Variants in MREG observed in about 807,000 individuals in gnomAD.
The protein encoded by MREG is melanoregulin, also known as dilute suppressor protein homolog.
Under a neutral mutation model 28.5 loss-of-function variants are expected in MREG, and 31 were observed. That is an observed-to-expected ratio of 1.09 (90% confidence interval 0.82 to 1.47). The LOEUF is 1.47. MREG is among the 40% of genes most tolerant of loss of function. MREG has a pLI of 0.00. For synonymous variants in MREG, 106 were observed against 95.2 expected (o/e 1.11, Z -0.66); for missense variants, 256 against 257.4 (o/e 0.99, Z 0.04).
intron 1 of MREG, among the ~76,000 whole-genome samples, chr2:215,996,772 C>G (rs1159114036): frequency 8.4e-6 from 1 of 118,888 alleles, no homozygotes; most frequent in African/African-American, 3.0e-5. Context: ...AAAGGAAATT[C>G]AATTCTTTTT....
chr2:215,974,575 G>A (rs1020753384), intron 2 of MREG, among the ~76,000 whole-genome samples: 4 of 152,082 alleles, frequency 2.6e-5, no homozygotes, highest in Non-Finnish European at 5.9e-5. Context: ...AAGAGGCAGG[G>A]CTAGGAGTGG....
At chr2:216,004,560 C>CAA (rs1362063300) in intron 1 of MREG, among the ~76,000 whole-genome samples, 1 of 147,620 alleles carries the variant, frequency 6.8e-6, no homozygotes, top group African/African-American at 2.6e-5. Context: ...AACAAAAAAA[C>CAA]AAACAAAAAA....
chr2:215,958,973 A>G (rs1692709233), intron 2 of MREG, among the ~76,000 whole-genome samples: 1 of 152,102 alleles, frequency 6.6e-6, no homozygotes, highest in African/African-American at 2.4e-5. Context: ...GGAAAGCAAC[A>G]ATATCCTGCC....
At chr2:215,968,124 T>G (rs1237193106) in intron 2 of MREG, among the ~76,000 whole-genome samples, 1 of 152,150 alleles carries the variant, frequency 6.6e-6, no homozygotes, top group Admixed American at 6.5e-5. Context: ...TCCCTTCTGT[T>G]AGATGAGAAA....
chr2:215,965,801 G>A (rs547441469), intron 2 of MREG, among the ~76,000 whole-genome samples: 27 of 152,292 alleles, frequency 1.8e-4, no homozygotes, highest in African/African-American at 6.3e-4. Flanking sequence ...AAGGGAGTAG[G>A]GGACTTGGTG....
chr2:216,003,348 G>C (rs1395979522), intron 1 of MREG, among the ~76,000 whole-genome samples: 1 of 152,118 alleles, frequency 6.6e-6, no homozygotes, highest in East Asian at 1.9e-4. Flanking sequence ...ATATGATGCT[G>C]CTTCACACAT....
In MREG at chr2:215,975,978, C is replaced by G. The variant is rs1559183525; in HGVS notation, c.255+20328G>C. Among the ~76,000 whole-genome samples, 4 of 152,056 alleles carry G rather than the reference C, an allele frequency of 2.6e-5. No individual in the cohort carries two copies. The South Asian group carries it at 8.3e-4, about 31-fold the overall frequency. On this transcript the variant is annotated intron_variant, in intron 2 of 4. Transcript: ENST00000263268. ...GTGTGCACCTGTAATCCCAGCTACT[C>G]GCGGGGGGCGTGGTATGGGGGAGCT...
At chr2:215,946,275 G>A (rs1441952696) in intron 3 of MREG, among the ~76,000 whole-genome samples, 1 of 149,624 alleles carries the variant, frequency 6.7e-6, no homozygotes, top group Non-Finnish European at 1.5e-5. Context: ...AACAATACTA[G>A]ATATGCAAAG....
chr2:215,995,146 G>C (rs1693832775), intron 2 of MREG, among the ~76,000 whole-genome samples: 1 of 152,148 alleles, frequency 6.6e-6, no homozygotes, highest in Admixed American at 6.5e-5. Context: ...TTTATGACTT[G>C]CCTTCAGCAT....
chr2:215,961,617 G>GCCATCAC, intron 2 of MREG, among the ~76,000 whole-genome samples: 1 of 151,976 alleles, frequency 6.6e-6, no homozygotes, highest in Non-Finnish European at 1.5e-5. Flanking sequence ...AATAGAGATG[G>GCCATCAC]GGTTTCATCA....
At chr2:215,987,938 A>G (rs1693618333) in intron 2 of MREG, among the ~76,000 whole-genome samples, 1 of 152,126 alleles carries the variant, frequency 6.6e-6, no homozygotes, top group African/African-American at 2.4e-5. Context: ...AAAAAATAAA[A>G]AAGAAGAAGG....
intron 2 of MREG, among the ~76,000 whole-genome samples, chr2:215,973,156 G>A (rs957454066): frequency 3.9e-5 from 6 of 152,248 alleles, no homozygotes; most frequent in African/African-American, 1.2e-4. Flanking sequence ...GGAGAGCCCA[G>A]GACAACAGAG....
chr2:215,996,250 C>T, intron 2 of MREG, 56 bp downstream of exon 2: 1 of 1,509,314 alleles, frequency 6.6e-7, no homozygotes, highest in South Asian at 1.3e-5. Flanking sequence ...TCAGGAATTA[C>T]TATTTTTTAC....
At chr2:216,031,421 AAAG>A (rs763974574) in intron 1 of MREG, among the ~76,000 whole-genome samples, 16,130 of 68,548 alleles carry the variant, frequency 0.24, 1,170 homozygotes, top group East Asian at 0.37. Context: ...AGAAAGGAAG[AAAG>A]AAAGAAAAGA....
intron 1 of MREG, among the ~76,000 whole-genome samples, chr2:216,006,344 C>T (rs1694153941): frequency 6.6e-6 from 1 of 152,232 alleles, no homozygotes; most frequent in African/African-American, 2.4e-5. Context: ...AAAGCCCAGT[C>T]CCTGGGACAG....
At chr2:216,019,920 A>G (rs985277588) in intron 1 of MREG, among the ~76,000 whole-genome samples, 1 of 152,196 alleles carries the variant, frequency 6.6e-6, no homozygotes, top group Non-Finnish European at 1.5e-5. Context: ...AGCAACAAAC[A>G]TATTATAACT....
chr2:215,949,035 T>TA (rs1692393792), intron 2 of MREG, among the ~76,000 whole-genome samples: 2 of 131,076 alleles, frequency 1.5e-5, no homozygotes, highest in Non-Finnish European at 1.6e-5. Context: ...AAACCCTGTC[T>TA]CTACTACTAC....
At chr2:215,945,240 T>C (rs764318920) in intron 4 of MREG, among the ~76,000 whole-genome samples, 2 of 152,234 alleles carry the variant, frequency 1.3e-5, no homozygotes, top group Non-Finnish European at 2.9e-5. Flanking sequence ...CTTAGTCTTA[T>C]AGGTTAAATA....
chr2:215,990,128 G>A (rs1476064422), intron 2 of MREG, among the ~76,000 whole-genome samples: 3 of 152,160 alleles, frequency 2.0e-5, no homozygotes, highest in Non-Finnish European at 4.4e-5. Context: ...AGGAAAAGAT[G>A]TTAAGGGCAG....
Sources: gnomAD v4.1 joint callset for allele counts (sites outside exome capture counted in the v4.1 genomes callset) on GRCh38, gnomAD v4.1.1 for gene constraint, MANE v1.5 for transcripts, NCBI Gene and HGNC (gene_info 2026-07-23, HGNC 2026-07-21) for gene names.